The following ALX4 variants were observed in gnomAD, a reference collection of about 807,000 sequenced individuals.
ALX4 encodes the protein ALX homeobox 4.
Under a neutral mutation model 40.6 loss-of-function variants are expected in ALX4, and 22 were observed. The observed-to-expected ratio is 0.54, with a 90% CI of 0.39 to 0.77. The LOEUF is 0.77. Ranked by LOEUF, ALX4 falls within the 30% of genes least tolerant of loss-of-function variation. The probability of loss-of-function intolerance (pLI) is 0.00; values close to 1 mark genes in which losing one functional copy is unlikely to be tolerated. For synonymous variants in ALX4, 266 were observed against 240.5 expected, an observed-to-expected ratio of 1.11 and a Z score of -0.98; for missense variants, 556 against 564.8, an observed-to-expected ratio of 0.98 and a Z score of 0.16.
intron 1 of ALX4, among the ~76,000 whole-genome samples, chr11:44,302,398 G>C (rs1302533603): frequency 6.6e-6 from 1 of 152,224 alleles, no homozygotes; most frequent in South Asian, 2.1e-4. Context: ...TGGCTCCTGG[G>C]TGCACTTAAC....
Position 44,280,371 on chromosome 11 carries a change from G to T in ALX4, c.467-4713C>A, listed in dbSNP as rs540728384. On this transcript the variant is annotated intron_variant, in intron 1 of 3. Transcript: ENST00000652299. ...CACTGGGGTAGAGAAGACCGCCAGG[G>T]AGCTCTCAGTTTGCCTGGATGCTGG... Among the ~76,000 whole-genome samples, 14 of 152,312 alleles carry T rather than the reference G, an allele frequency of 9.2e-5. 1 individual carries two copies. The highest frequency in any genetic ancestry group is 1.8e-4 in the Non-Finnish European group (12 of 68,020).
At position 44,309,845 on chromosome 11, in the gene ALX4, AGGTCCTGCTGCCCAGCGCCGTAAC is replaced by A; in HGVS notation, c.194_217del (p.Arg65_Asp72del). On this transcript the variant is annotated inframe_deletion, in exon 1 of 4. Transcript: ENST00000652299. ...AGCTCCACTCTCCAGGGGTGTCGCCAGGTCCTGCTGCCCAGCGCCGTAACGGGCCCGGCTCTTGGCGTCCCCGAA... is the reference window on the plus strand; with the variant it reads ...AGCTCCACTCTCCAGGGGTGTCGCCAGGGCCCGGCTCTTGGCGTCCCCGAA... 1.3e-6 allele frequency: 2 copies of A among 1,558,054 alleles called. No homozygotes were observed. The highest frequency in any genetic ancestry group is 1.7e-6 in the Non-Finnish European group (2 of 1,150,512).
chr11:44,297,082 T>G (rs1436063032), intron 1 of ALX4, among the ~76,000 whole-genome samples: 2 of 147,508 alleles, frequency 1.4e-5, no homozygotes, highest in Non-Finnish European at 3.0e-5. Flanking sequence ...AGAGGTCACT[T>G]GGGTGGGGGG....
At chr11:44,308,924 C>A (rs1956485636) in intron 1 of ALX4, among the ~76,000 whole-genome samples, 1 of 152,254 alleles carries the variant, frequency 6.6e-6, no homozygotes, top group African/African-American at 2.4e-5. Flanking sequence ...CTGCCAGTAG[C>A]GCTCAGGGTC....
intron 1 of ALX4, among the ~76,000 whole-genome samples, chr11:44,289,679 G>A (rs1956358535): frequency 6.6e-6 from 1 of 152,182 alleles, no homozygotes; most frequent in Admixed American, 6.5e-5. Flanking sequence ...GGTAAACCAA[G>A]CTTCAGGGTC....
At chr11:44,266,659 G>A (rs1268916231) in intron 3 of ALX4, among the ~76,000 whole-genome samples, 1 of 152,176 alleles carries the variant, frequency 6.6e-6, no homozygotes. Flanking sequence ...GCCAGAATGA[G>A]GCCTGAGCAG....
chr11:44,286,776 C>T (rs1435562594), intron 1 of ALX4, among the ~76,000 whole-genome samples: 1 of 152,224 alleles, frequency 6.6e-6, no homozygotes, highest in Non-Finnish European at 1.5e-5. Context: ...CTCAGAATTC[C>T]CACACTGTGG....
intron 1 of ALX4, among the ~76,000 whole-genome samples, chr11:44,295,640 G>A (rs1183512567): frequency 6.6e-6 from 1 of 152,216 alleles, no homozygotes; most frequent in African/African-American, 2.4e-5. Flanking sequence ...CCTCTTTTGG[G>A]AATCTAACAG....
chr11:44,264,499 T>G lies in ALX4; in HGVS notation c.*355A>C. 3.3e-6 allele frequency: 1 copy of G among 307,362 alleles called. No homozygotes were observed. The highest frequency in any genetic ancestry group is 6.1e-6 in the Non-Finnish European group (1 of 163,196). The allele number at this position is 307,362 out of a possible 1,614,324, so 19.0% of individuals were successfully genotyped here. A position where few individuals can be genotyped will look rare whatever the true frequency, so the allele number is the denominator to read the frequency against. ...TGAGGCTGCTGGGTCTGCATGGAAA[T>G]CTAGCATTGACTCATGGTCAACTAG... On this transcript the variant is annotated 3_prime_UTR_variant, in exon 4 of 4. Coordinates refer to ENST00000652299, the MANE Select transcript of ALX4 (RefSeq NM_021926.4).
chr11:44,290,427 A>G (rs1020113767), intron 1 of ALX4, among the ~76,000 whole-genome samples: 1 of 152,232 alleles, frequency 6.6e-6, no homozygotes. Flanking sequence ...GCAAAGTTCC[A>G]GGTGGTGAAA....
intron 1 of ALX4, among the ~76,000 whole-genome samples, chr11:44,304,171 G>A (rs1268750939): frequency 6.6e-6 from 1 of 152,234 alleles, no homozygotes; most frequent in Non-Finnish European, 1.5e-5. Context: ...TCGCAGTGTT[G>A]GTTTCCCAAT....
intron 1 of ALX4, among the ~76,000 whole-genome samples, chr11:44,277,418 G>A (rs1015573897): frequency 6.6e-6 from 1 of 152,182 alleles, no homozygotes; most frequent in African/African-American, 2.4e-5. Flanking sequence ...AAAGGAACTT[G>A]TTGAGTGAAA....
At chr11:44,305,895 T>C (rs1324410248) in intron 1 of ALX4, among the ~76,000 whole-genome samples, 4 of 152,246 alleles carry the variant, frequency 2.6e-5, no homozygotes, top group Non-Finnish European at 5.9e-5. Flanking sequence ...CGGCCCCGCG[T>C]CTCGGGACAG....
At chr11:44,293,119 G>C (rs1402440834) in intron 1 of ALX4, among the ~76,000 whole-genome samples, 1 of 36,614 alleles carries the variant, frequency 2.7e-5, no homozygotes, top group East Asian at 5.9e-4. Context: ...AAGGAAGGAA[G>C]GAAGGAAGGA....
chr11:44,299,064 A>G (rs1389057795), intron 1 of ALX4, among the ~76,000 whole-genome samples: 1 of 152,190 alleles, frequency 6.6e-6, no homozygotes, highest in Admixed American at 6.5e-5. Context: ...CATGTTTCCT[A>G]GAGGGCACTG....
At chr11:44,297,215 G>C (rs977369581) in intron 1 of ALX4, among the ~76,000 whole-genome samples, 2 of 152,096 alleles carry the variant, frequency 1.3e-5, no homozygotes, top group African/African-American at 4.8e-5. Context: ...GCCACTGAAA[G>C]GTTCACTTGT....
chr11:44,308,298 C>G (rs1310332814), intron 1 of ALX4, among the ~76,000 whole-genome samples: 1 of 152,222 alleles, frequency 6.6e-6, no homozygotes, highest in Admixed American at 6.5e-5. Context: ...AAGAAGGAAC[C>G]TGAATACGAG....
rs1203791964 is a variant in ALX4 at position 44,309,664 on chromosome 11, C to T, written c.399G>A (p.Pro133=). ...CTTCCTGGAGTTTGAGGCTGCCGTC[C>T]GGGGGCGTCTTGCAGGCGCCTCGCT... The part of the protein sequence containing the change: ...YLQRGACKTP[P]DGSLKLQEGS... Residue 133 remains proline, a synonymous_variant, in exon 1 of 4, where the codon CCG becomes CCA. Transcript: ENST00000652299. The T allele has an allele frequency of 6.9e-6, 11 of 1,592,280 alleles. No individual in the cohort carries two copies. The highest frequency in any genetic ancestry group is 6.7e-5 in the South Asian group (6 of 89,366).
chr11:44,281,732 TCA>T (rs1342046415), intron 1 of ALX4, among the ~76,000 whole-genome samples: 3 of 152,110 alleles, frequency 2.0e-5, no homozygotes, highest in African/African-American at 7.2e-5. Flanking sequence ...CCACCCCACC[TCA>T]TCTGACACTG....
Sources: allele counts gnomAD v4.1 joint callset (sites outside exome capture counted in the v4.1 genomes callset), GRCh38; gene constraint gnomAD v4.1.1; transcripts MANE v1.5; gene names NCBI Gene and HGNC (gene_info 2026-07-23, HGNC 2026-07-21).